Variants in SHB observed in about 807,000 individuals in gnomAD.
The protein encoded by SHB is SH2 domain containing adaptor protein B.
SHB carries 20 observed loss-of-function variants against 52.3 expected under a neutral mutation model. The observed-to-expected ratio is 0.38, with a 90% CI of 0.27 to 0.56. The LOEUF is 0.56. Ranked by LOEUF, SHB falls within the 20% of genes least tolerant of loss-of-function variation. The probability of loss-of-function intolerance (pLI) is 0.71; values close to 1 mark genes in which losing one functional copy is unlikely to be tolerated. For synonymous variants in SHB, 397 were observed against 316.5 expected (o/e 1.25, Z -2.70); for missense variants, 825 against 723.3 (o/e 1.14, Z -1.61).
chr9:38,024,555 C>T (rs1821318833), intron 1 of SHB, among the ~76,000 whole-genome samples: 1 of 152,236 alleles, frequency 6.6e-6, no homozygotes, highest in Non-Finnish European at 1.5e-5. Flanking sequence ...CACACACACA[C>T]AGCCCACTGT....
intron 3 of SHB, among the ~76,000 whole-genome samples, chr9:37,969,943 C>A (rs1273032517): frequency 1.3e-5 from 2 of 152,234 alleles, no homozygotes; most frequent in African/African-American, 4.8e-5. Flanking sequence ...CAACTGCTGG[C>A]CTTGCTGGTT....
chr9:37,985,770 A>G (rs990925406), intron 2 of SHB, among the ~76,000 whole-genome samples: 5 of 152,232 alleles, frequency 3.3e-5, no homozygotes, highest in Non-Finnish European at 5.9e-5. Flanking sequence ...GATGCATTAG[A>G]TGAGGGTCCT....
At chr9:38,017,062 C>A (rs996242744) in intron 1 of SHB, among the ~76,000 whole-genome samples, 1 of 152,236 alleles carries the variant, frequency 6.6e-6, no homozygotes, top group Non-Finnish European at 1.5e-5. Context: ...CGATTGCAGG[C>A]TCCAATTAAA....
Position 38,068,043 on chromosome 9 carries a change from C to T in SHB, c.603G>A (p.Gly201=), listed in dbSNP as rs973102366. ...AAGGGAGDPL[G]GACAGGRTWS... Reference sequence around the variant, plus strand: ...AGGTGCGGCCGCCCGCGCAGGCGCCCCCCAGGGGGTCCCCGGCCCCACCGC... The same window carrying T: ...AGGTGCGGCCGCCCGCGCAGGCGCCTCCCAGGGGGTCCCCGGCCCCACCGC... The change falls in exon 1 of 6, where the codon GGG becomes GGA. Residue 201 remains glycine, a synonymous_variant. Transcript: ENST00000377707. 22 of 1,503,246 alleles carry T rather than the reference C, an allele frequency of 1.5e-5. No individual in the cohort carries two copies. The highest frequency in any genetic ancestry group is 1.9e-5 in the Non-Finnish European group (21 of 1,134,642). The allele number at this position is 1,503,246 out of a possible 1,614,324, so 93.1% of individuals were successfully genotyped here.
intron 5 of SHB, among the ~76,000 whole-genome samples, chr9:37,939,542 G>C (rs376369783): frequency 3.9e-5 from 6 of 152,162 alleles, no homozygotes; most frequent in African/African-American, 1.4e-4. Flanking sequence ...CAGGTCTCTG[G>C]GCTTTCTCCA....
chr9:37,928,285 G>A (rs1832273467), intron 5 of SHB, among the ~76,000 whole-genome samples: 1 of 152,216 alleles, frequency 6.6e-6, no homozygotes, highest in South Asian at 2.1e-4. Flanking sequence ...GGCCACAGTG[G>A]ATCCTGGGCT....
At chr9:38,018,781 C>T (rs912251248) in intron 1 of SHB, among the ~76,000 whole-genome samples, 9 of 152,194 alleles carry the variant, frequency 5.9e-5, no homozygotes, top group Non-Finnish European at 1.0e-4. Flanking sequence ...TACCATGGGC[C>T]CCAGCCATCA....
At chr9:38,025,486 C>T (rs1420320511) in intron 1 of SHB, among the ~76,000 whole-genome samples, 2 of 152,236 alleles carry the variant, frequency 1.3e-5, no homozygotes, top group Non-Finnish European at 2.9e-5. Flanking sequence ...GCTCTCAGAC[C>T]AGCCCTGGTC....
At chr9:38,005,487 C>T (rs1013249246) in intron 2 of SHB, among the ~76,000 whole-genome samples, 6 of 152,170 alleles carry the variant, frequency 3.9e-5, no homozygotes, top group African/African-American at 1.2e-4. Context: ...GGACTCAGAC[C>T]TGCTGTTACT....
At chr9:38,056,883 T>G (rs1821828482) in intron 1 of SHB, among the ~76,000 whole-genome samples, 1 of 152,194 alleles carries the variant, frequency 6.6e-6, no homozygotes, top group Non-Finnish European at 1.5e-5. Context: ...GTAAACAGTT[T>G]TGGAAAAGCA....
At chr9:37,969,583 G>T (rs1356588837) in intron 3 of SHB, among the ~76,000 whole-genome samples, 3 of 152,252 alleles carry the variant, frequency 2.0e-5, no homozygotes, top group Middle Eastern at 6.8e-3. Flanking sequence ...CCTCACACTG[G>T]TCCTTCAGAG....
chr9:38,064,106 T>C (rs75480509), intron 1 of SHB, among the ~76,000 whole-genome samples: 8 of 152,042 alleles, frequency 5.3e-5, no homozygotes, highest in African/African-American at 1.7e-4. Flanking sequence ...TTTTTTTTTT[T>C]CATAAAGCAC....
chr9:37,924,016 C>A (rs1453525576), intron 5 of SHB, among the ~76,000 whole-genome samples: 1 of 152,216 alleles, frequency 6.6e-6, no homozygotes, highest in Non-Finnish European at 1.5e-5. Flanking sequence ...GCATTGCCCC[C>A]GGGGAGCTTC....
chr9:37,993,669 TA>T (rs1275463601), intron 2 of SHB, among the ~76,000 whole-genome samples: 176 of 145,326 alleles, frequency 1.2e-3, no homozygotes, highest in East Asian at 2.4e-3. Context: ...TATTCTCCCT[TA>T]AAAAAAAAAA....
rs142139585 is a variant in SHB at position 37,998,481 on chromosome 9, C to T, written c.838+17530G>A. Among the ~76,000 whole-genome samples, 203 of 152,348 alleles carry T rather than the reference C, an allele frequency of 1.3e-3. 2 individuals carry two copies. The highest frequency in any genetic ancestry group is 4.2e-3 in the Admixed American group (65 of 15,306). On this transcript the variant is annotated intron_variant, in intron 2 of 5. Coordinates refer to ENST00000377707, the MANE Select transcript of SHB (RefSeq NM_003028.3). ...TTGTTTATTTATTTAAAGACAGGGT[C>T]TGGCTCTGTCACCTAGGCTGGAGTG...
intron 1 of SHB, among the ~76,000 whole-genome samples, chr9:38,043,627 C>T (rs1306268127): frequency 6.6e-6 from 1 of 152,176 alleles, no homozygotes; most frequent in Non-Finnish European, 1.5e-5. Context: ...CAGTGGCTCA[C>T]ACCTGTAATC....
At chr9:38,032,325 C>T (rs968060625) in intron 1 of SHB, among the ~76,000 whole-genome samples, 6 of 152,202 alleles carry the variant, frequency 3.9e-5, no homozygotes, top group Non-Finnish European at 7.3e-5. Flanking sequence ...CAGAAGGCTA[C>T]GCAGGTTTCA....
chr9:37,980,901 T>TCGA (rs201337629), intron 2 of SHB, among the ~76,000 whole-genome samples: 25 of 151,628 alleles, frequency 1.6e-4, no homozygotes, highest in African/African-American at 5.3e-4. Context: ...TTTTTTTCCT[T>TCGA]AAAGTTGGTC....
At chr9:37,923,976 C>T (rs553700816) in intron 5 of SHB, among the ~76,000 whole-genome samples, 3 of 152,362 alleles carry the variant, frequency 2.0e-5, no homozygotes, top group South Asian at 2.1e-4. Context: ...ACCTCGGCAC[C>T]GTCATCAGCA....
Sources: allele counts gnomAD v4.1 joint callset (sites outside exome capture counted in the v4.1 genomes callset), GRCh38; gene constraint gnomAD v4.1.1; transcripts MANE v1.5; gene names NCBI Gene and HGNC (gene_info 2026-07-23, HGNC 2026-07-21).